FBXL17: variants seen among roughly 807,000 people sequenced by gnomAD.
FBXL17 encodes the protein F-box/LRR-repeat protein 17.
In FBXL17, 22 loss-of-function variants were observed where a neutral mutation model predicts 66.2. The observed-to-expected ratio is 0.33, with a 90% CI of 0.24 to 0.47. The LOEUF (loss-of-function observed/expected upper bound fraction) is 0.47. Ranked by LOEUF, FBXL17 falls within the 20% of genes least tolerant of loss-of-function variation. FBXL17 has a pLI of 1.00. For missense variants in FBXL17, 878 were observed against 948.2 expected (o/e 0.93, Z 0.97); for synonymous variants, 474 against 400.5 (o/e 1.18, Z -2.19).
intron 4 of FBXL17, among the ~76,000 whole-genome samples, chr5:108,267,907 A>G (rs998169652): frequency 3.3e-5 from 5 of 152,088 alleles, no homozygotes; most frequent in Admixed American, 6.6e-5. Context: ...TTTGTTTTAA[A>G]TGTATTTTCT....
chr5:107,982,472 A>T (rs1752865970), intron 7 of FBXL17, among the ~76,000 whole-genome samples: 1 of 152,200 alleles, frequency 6.6e-6, no homozygotes, highest in Non-Finnish European at 1.5e-5. Context: ...AAAAAACCAC[A>T]TAGCAATGAA....
intron 6 of FBXL17, among the ~76,000 whole-genome samples, chr5:108,096,795 G>A (rs552462486): frequency 1.3e-4 from 20 of 152,278 alleles, no homozygotes; most frequent in East Asian, 1.2e-3. Flanking sequence ...GGGTTAAGGA[G>A]GGCAGGCCTC....
intron 4 of FBXL17, among the ~76,000 whole-genome samples, chr5:108,346,131 A>T (rs114819520): frequency 3.3e-5 from 5 of 152,132 alleles, no homozygotes; most frequent in African/African-American, 7.2e-5. Flanking sequence ...AAGTATTTAA[A>T]TATTTCTCTT....
rs1480249767 is a variant in FBXL17, at chr5:108,293,068, A to G, written c.1506+55331T>C. Among the ~76,000 whole-genome samples, 8 of 149,426 alleles carry G rather than the reference A, an allele frequency of 5.4e-5. No homozygotes were observed. The East Asian group carries it at 1.4e-3, about 26-fold the overall frequency. On this transcript the variant is annotated intron_variant, in intron 4 of 8. Coordinates refer to ENST00000542267, the MANE Select transcript of FBXL17 (RefSeq NM_001163315.3). Reference sequence around the variant, plus strand: ...ACGCCACTGCACTCCAGCCTGGGCAACAGAGCAAGACTCTGTCTCAAAAAA... The same window carrying G: ...ACGCCACTGCACTCCAGCCTGGGCAGCAGAGCAAGACTCTGTCTCAAAAAA...
chr5:108,093,664 C>G (rs1749268352), intron 6 of FBXL17, among the ~76,000 whole-genome samples: 1 of 152,130 alleles, frequency 6.6e-6, no homozygotes, highest in Admixed American at 6.6e-5. Flanking sequence ...TTTTTAACAT[C>G]TTCTGATTTA....
chr5:108,209,399 G>A (rs1434610620), intron 5 of FBXL17, among the ~76,000 whole-genome samples: 1 of 152,096 alleles, frequency 6.6e-6, no homozygotes, highest in African/African-American at 2.4e-5. Flanking sequence ...GTTTTCAAAG[G>A]GAATGCTTCC....
rs148179358 is a variant in FBXL17 at position 108,286,680 on chromosome 5, A to G, written c.1506+61719T>C. Among the ~76,000 whole-genome samples the G allele has an allele frequency of 3.9e-3, 598 of 152,236 alleles. 8 individuals carry two copies. Among genetic ancestry groups the G allele is most frequent in the African/African-American group, 0.014 (567 of 41,564 alleles). On this transcript the variant is annotated intron_variant, in intron 4 of 8. Transcript: ENST00000542267. ...ACATTCCATGCTCATAGTTAGGAAG[A>G]ACCAATATTGTTAAAATGGCCATAC...
At chr5:108,303,180 A>T (rs1449875311) in intron 4 of FBXL17, among the ~76,000 whole-genome samples, 1 of 151,930 alleles carries the variant, frequency 6.6e-6, no homozygotes, top group Non-Finnish European at 1.5e-5. Flanking sequence ...CTAACTCTTA[A>T]TTAGTGAGTA....
At chr5:108,228,195 T>C (rs1307899625) in intron 4 of FBXL17, among the ~76,000 whole-genome samples, 1 of 152,202 alleles carries the variant, frequency 6.6e-6, no homozygotes, top group Non-Finnish European at 1.5e-5. Flanking sequence ...GTCATGGGGA[T>C]ACAGAAACAC....
intron 7 of FBXL17, among the ~76,000 whole-genome samples, chr5:108,008,558 CAT>C (rs1181066998): frequency 6.6e-6 from 1 of 152,050 alleles, no homozygotes; most frequent in Non-Finnish European, 1.5e-5. Context: ...TATTGATGCA[CAT>C]ATATAGGTAT....
intron 6 of FBXL17, among the ~76,000 whole-genome samples, chr5:108,071,912 C>T (rs1748349466): frequency 6.6e-6 from 1 of 152,090 alleles, no homozygotes; most frequent in South Asian, 2.1e-4. Context: ...CTCATGTGCA[C>T]AACTTCTGTG....
intron 7 of FBXL17, among the ~76,000 whole-genome samples, chr5:107,961,407 TG>T (rs1368875933): frequency 9.9e-5 from 15 of 152,038 alleles, no homozygotes; most frequent in African/African-American, 3.4e-4. Flanking sequence ...GTAATTTTTT[TG>T]GTAGGGACAG....
intron 4 of FBXL17, among the ~76,000 whole-genome samples, chr5:108,276,860 A>ACAGAAAAT (rs1157531894): frequency 6.6e-6 from 1 of 152,164 alleles, no homozygotes; most frequent in East Asian, 1.9e-4. Flanking sequence ...AATGTCAGAA[A>ACAGAAAAT]CAGAAAATTT....
At chr5:107,978,287 T>G (rs558182781) in intron 7 of FBXL17, among the ~76,000 whole-genome samples, 1 of 152,194 alleles carries the variant, frequency 6.6e-6, no homozygotes, top group African/African-American at 2.4e-5. Context: ...GTTTATAGTT[T>G]AACTTTGAAG....
chr5:108,169,532 G>A (rs1267309408), intron 6 of FBXL17, among the ~76,000 whole-genome samples: 1 of 152,044 alleles, frequency 6.6e-6, no homozygotes, highest in Admixed American at 6.6e-5. Context: ...AGAATGTTAT[G>A]TTTCTCCAGC....
chr5:108,138,661 C>A (rs932084235), intron 6 of FBXL17, among the ~76,000 whole-genome samples: 1 of 152,156 alleles, frequency 6.6e-6, no homozygotes, highest in Non-Finnish European at 1.5e-5. Context: ...AGTAATGCAT[C>A]ATTCATGAAG....
At chr5:108,206,361 T>C (rs1367772372) in intron 5 of FBXL17, among the ~76,000 whole-genome samples, 3 of 152,198 alleles carry the variant, frequency 2.0e-5, no homozygotes, top group Non-Finnish European at 4.4e-5. Context: ...TGCGCTTTTC[T>C]TTAAAAACAT....
At chr5:107,966,310 C>T (rs1207382368) in intron 7 of FBXL17, among the ~76,000 whole-genome samples, 1 of 152,104 alleles carries the variant, frequency 6.6e-6, no homozygotes, top group African/African-American at 2.4e-5. Flanking sequence ...TAGTACCAGA[C>T]TCTCACCCCT....
At chr5:108,217,576 T>C (rs555271909) in intron 5 of FBXL17, among the ~76,000 whole-genome samples, 1 of 152,278 alleles carries the variant, frequency 6.6e-6, no homozygotes, top group African/African-American at 2.4e-5. Context: ...TTATTTGTGG[T>C]CGACCACTTA....
Sources: gnomAD v4.1 joint callset for allele counts (sites outside exome capture counted in the v4.1 genomes callset) on GRCh38, gnomAD v4.1.1 for gene constraint, MANE v1.5 for transcripts, NCBI Gene and HGNC (gene_info 2026-07-23, HGNC 2026-07-21) for gene names.